ARMC9: variants seen among roughly 807,000 people sequenced by gnomAD.
The protein encoded by ARMC9 is lisH domain-containing protein ARMC9.
A neutral mutation model predicts 107.0 loss-of-function variants in ARMC9; 94 were observed. The observed-to-expected ratio is 0.88, with a 90% CI of 0.74 to 1.04. The LOEUF (loss-of-function observed/expected upper bound fraction) is 1.04, where lower values mean the gene tolerates loss of function less well. Ranked by LOEUF, ARMC9 falls within the 50% of genes least tolerant of loss-of-function variation. The pLI is 0.00. For missense variants in ARMC9, 942 were observed against 1,030.1 expected, an observed-to-expected ratio of 0.91 and a Z score of 1.17; for synonymous variants, 380 against 396.9, an observed-to-expected ratio of 0.96 and a Z score of 0.51.
chr2:231,302,098 A>AT, intron 19 of ARMC9, among the ~76,000 whole-genome samples: 1 of 152,084 alleles, frequency 6.6e-6, no homozygotes. Flanking sequence ...TAAGATTTTA[A>AT]TTTTTTCATC....
At chr2:231,345,249 T>G in intron 21 of ARMC9, 159 bp downstream of exon 21, 59 of 1,283,786 alleles carry the variant, frequency 4.6e-5, no homozygotes, top group Non-Finnish European at 5.7e-5. Context: ...AGAGGTTGAG[T>G]CCTTCTCCCT....
At chr2:231,209,599 G>A (rs2032534508) in intron 3 of ARMC9, among the ~76,000 whole-genome samples, 1 of 152,048 alleles carries the variant, frequency 6.6e-6, no homozygotes, top group African/African-American at 2.4e-5. Context: ...GCAGTGGCAG[G>A]ATCTTGGCTT....
chr2:231,262,360 A>G lies in ARMC9; in HGVS notation c.1081A>G (p.Ile361Val), dbSNP rs748337239. The part of the protein sequence containing the change: ...EQRETVLQAY[I>V]SNDLLDCYSH... ...GAGGGAGACCGTTCTGCAAGCCTAC[A>G]TCAGCAATGACCTCTTGGACTGTTA... The change falls in exon 12 of 25, where the codon ATC becomes GTC. Residue 361 changes from isoleucine to valine, a missense_variant. By Grantham distance (29) the Ile-to-Val change is conservative (BLOSUM62 3). Transcript: ENST00000611582. 1 of 1,614,156 alleles carries G rather than the reference A, an allele frequency of 6.2e-7. No homozygotes were observed. Among genetic ancestry groups the G allele is most frequent in the Admixed American group, 1.7e-5 (1 of 60,026 alleles).
At chr2:231,220,683 G>A (rs1000666603) in intron 5 of ARMC9, among the ~76,000 whole-genome samples, 2 of 149,110 alleles carry the variant, frequency 1.3e-5, no homozygotes, top group African/African-American at 5.0e-5. Context: ...TTAACAAATC[G>A]ACCCACCACG....
At chr2:231,266,575 A>G (rs754112883) in intron 12 of ARMC9, among the ~76,000 whole-genome samples, 3 of 152,206 alleles carry the variant, frequency 2.0e-5, no homozygotes, top group Non-Finnish European at 4.4e-5. Flanking sequence ...AGTAAAACTG[A>G]AACTCTGTAC....
At chr2:231,313,922 ATTTT>A (rs554156249) in intron 19 of ARMC9, among the ~76,000 whole-genome samples, 1 of 130,286 alleles carries the variant, frequency 7.7e-6, no homozygotes. Context: ...CTTCTGCCTA[ATTTT>A]TTTTTTTTTT....
At chr2:231,298,492 GA>G (rs1444488092) in intron 19 of ARMC9, among the ~76,000 whole-genome samples, 3 of 152,208 alleles carry the variant, frequency 2.0e-5, no homozygotes, top group African/African-American at 4.8e-5. Flanking sequence ...TTCCCAAGGT[GA>G]CAGCTCTGAA....
intron 19 of ARMC9, among the ~76,000 whole-genome samples, chr2:231,331,526 T>C (rs1365209994): frequency 1.3e-5 from 2 of 152,168 alleles, no homozygotes; most frequent in Non-Finnish European, 2.9e-5. Flanking sequence ...TTAAAGAGCC[T>C]TCTGGAACCT....
rs62198970 is a variant in ARMC9, at chr2:231,360,176, G to T, written c.2132-578G>T. ...TCTGGGATTCTCCGTCTGCTTCCCC[G>T]TGAAGGGCTCCTGCGTGTCCCGGGT... On this transcript the variant is annotated intron_variant, in intron 22 of 24. Transcript: ENST00000611582. This position sits in a 1 kb window ranked among gnomAD's most constrained non-coding sequence, Gnocchi z 4.7. 1.8e-4 allele frequency among the ~76,000 whole-genome samples: 28 copies of T among 152,070 alleles called. No individual in the cohort carries two copies. The highest frequency in any genetic ancestry group is 3.7e-4 in the Non-Finnish European group (25 of 68,012).
At position 231,220,938 on chromosome 2, in the gene ARMC9, T is replaced by G. The variant is rs115506185; in HGVS notation, c.505-1790T>G. Among the ~76,000 whole-genome samples the G allele has an allele frequency of 8.0e-3, 1,215 of 152,350 alleles. 18 individuals are homozygous for G. Among genetic ancestry groups the G allele is most frequent in the Non-Finnish European group, 8.5e-3 (575 of 68,028 alleles). ...GTCCCAAGCATTTTGTTTTGTTTGT[T>G]TTTTGAGACATAGCAGTCCTTTCCT... On this transcript the variant is annotated intron_variant, in intron 5 of 24. Transcript: ENST00000611582.
rs745643811 is a variant in ARMC9, at chr2:231,341,326, A to G, written c.1879-3649A>G. Among the ~76,000 whole-genome samples, 64 of 152,228 alleles carry G rather than the reference A, an allele frequency of 4.2e-4. 1 individual carries two copies. The highest frequency in any genetic ancestry group is 4.9e-4 in the Non-Finnish European group (33 of 68,038). On this transcript the variant is annotated intron_variant, in intron 20 of 24. Coordinates refer to ENST00000611582, the MANE Select transcript of ARMC9 (RefSeq NM_001352754.2). ...ATGACGGGTACACTTCCTGGCACAA[A>G]TCTGTGATCAACTCAGGAAGAAAGC...
rs995429378 is a variant in ARMC9 at position 231,294,954 on chromosome 2, G to C, written c.1718-1244G>C. 9 of 152,280 alleles carry C rather than the reference G, an allele frequency of 5.9e-5. No individual in the cohort carries two copies. The East Asian group carries it at 1.5e-3, about 26-fold the overall frequency. 9.4% of individuals were successfully genotyped at this position (152,280 alleles called of 1,614,324 possible). A position where few individuals can be genotyped will look rare whatever the true frequency, so the allele number is the denominator to read the frequency against. ...GACACTTTGGTGTCCCACTGGCCTC[G>C]GTCCAGTGAAGTCAGTGGAGTCCTT... On this transcript the variant is annotated intron_variant, in intron 18 of 24. Transcript: ENST00000611582.
At chr2:231,301,251 A>G (rs2041708691) in intron 19 of ARMC9, among the ~76,000 whole-genome samples, 1 of 152,232 alleles carries the variant, frequency 6.6e-6, no homozygotes, top group Non-Finnish European at 1.5e-5. Context: ...TTTTAATGCT[A>G]TGAATGTATA....
intron 12 of ARMC9, among the ~76,000 whole-genome samples, chr2:231,262,744 T>C (rs1340000337): frequency 6.6e-6 from 1 of 152,242 alleles, no homozygotes; most frequent in African/African-American, 2.4e-5. Flanking sequence ...TGTTTACATC[T>C]GGGCCTGACT....
chr2:231,330,322 G>A (rs1459886937), intron 19 of ARMC9, among the ~76,000 whole-genome samples: 1 of 149,330 alleles, frequency 6.7e-6, no homozygotes, highest in Non-Finnish European at 1.5e-5. Flanking sequence ...CCAGGTTTGA[G>A]TAGAATTCCA....
chr2:231,362,582 G>T lies in ARMC9; in HGVS notation c.2261+1699G>T, dbSNP rs1163224873. On this transcript the variant is annotated intron_variant, in intron 23 of 24. Coordinates refer to ENST00000611582, the MANE Select transcript of ARMC9 (RefSeq NM_001352754.2). The surrounding 1 kb of genome is among the most constrained non-coding windows in gnomAD (Gnocchi z 4.7). ...CCAACCCAGAGGTGCCCTCCCCTTGGTGTCAGTCACTGAAGCCAGCTCTTA... is the reference window on the plus strand; with the variant it reads ...CCAACCCAGAGGTGCCCTCCCCTTGTTGTCAGTCACTGAAGCCAGCTCTTA... 6.6e-6 allele frequency: 1 copy of T among 152,000 alleles called. No individual in the cohort carries two copies. The highest frequency in any genetic ancestry group is 1.5e-5 in the Non-Finnish European group (1 of 67,958). The allele number at this position is 152,000 out of a possible 1,614,324, so 9.4% of individuals were successfully genotyped here.
chr2:231,270,914 G>C lies in ARMC9; in HGVS notation c.1120-68G>C, dbSNP rs1225227196. ...GCAGAGGAAGAGAACTACCAGACCC[G>C]AAGAGGAGGCGTGTGTTTATCTCTC... is the stretch of plus-strand genomic sequence containing the variant. On this transcript the variant is annotated intron_variant, in intron 12 of 24. Transcript: ENST00000611582. 5.1e-6 allele frequency: 7 copies of C among 1,368,828 alleles called. No individual in the cohort carries two copies. In the South Asian group the frequency reaches 8.4e-5, roughly 16 times the overall value. 84.8% of individuals were successfully genotyped at this position (1,368,828 alleles called of 1,614,324 possible).
At chr2:231,321,511 T>C (rs774130012) in intron 19 of ARMC9, among the ~76,000 whole-genome samples, 4 of 152,052 alleles carry the variant, frequency 2.6e-5, no homozygotes, top group Non-Finnish European at 2.9e-5. Flanking sequence ...TGAATAATAG[T>C]TTTTTTTGTC....
chr2:231,344,288 A>G (rs1005624268), intron 20 of ARMC9, among the ~76,000 whole-genome samples: 3 of 152,226 alleles, frequency 2.0e-5, no homozygotes, highest in African/African-American at 7.2e-5. Context: ...GTTTTAAACT[A>G]TTGGGAGCAG....
Sources: gnomAD v4.1 joint callset for allele counts (sites outside exome capture counted in the v4.1 genomes callset) on GRCh38, gnomAD v4.1.1 for gene constraint, Gnocchi (gnomAD v3.1) non-coding constraint, MANE v1.5 for transcripts, NCBI Gene and HGNC (gene_info 2026-07-23, HGNC 2026-07-21) for gene names.